The following BTAF1 variants were observed in gnomAD, a reference collection of about 807,000 sequenced individuals.
The protein encoded by BTAF1 is B-TFIID TATA-box binding protein associated factor 1.
In BTAF1, 38 loss-of-function variants were observed where a neutral mutation model predicts 227.1. The ratio of observed to expected loss-of-function variants is 0.17; its 90% confidence interval spans 0.13 to 0.22. BTAF1 has a LOEUF of 0.22. Ranked by LOEUF, BTAF1 falls within the 10% of genes least tolerant of loss-of-function variation. The probability of loss-of-function intolerance (pLI) is 1.00; values close to 1 mark genes in which losing one functional copy is unlikely to be tolerated. For missense variants in BTAF1, 1,598 were observed against 2,204.0 expected (o/e 0.73, Z 5.51); for synonymous variants, 742 against 751.9 (o/e 0.99, Z 0.21).
chr10:91,931,835 C>T (rs1412812714), intron 1 of BTAF1, among the ~76,000 whole-genome samples: 4 of 152,198 alleles, frequency 2.6e-5, no homozygotes, highest in African/African-American at 9.7e-5. Flanking sequence ...ATCTGCTGTC[C>T]TGAAGAGAGG....
rs751235982 is a variant in BTAF1 at position 91,989,338 on chromosome 10, C to T, written c.2612C>T (p.Pro871Leu). ...GCAGTTGTGAGCTTGCAGCAGCTTC[C>T]GGAGAAATTAAATCCTATCATAAAA... ...ACAVVSLQQLPEKLNPIIKPL... is the reference protein window; with the variant it reads ...ACAVVSLQQLLEKLNPIIKPL... Residue 871 changes from proline (P) to leucine (L), a missense_variant, in exon 20 of 38, where the codon CCG (proline) becomes CTG (leucine). Around this residue, in one of 10 missense-constraint regions of BTAF1, gnomAD observed 425 missense variants for 491.2 expected, o/e 0.87. Coordinates refer to ENST00000265990, the MANE Select transcript of BTAF1 (RefSeq NM_003972.3). 101 of 1,613,762 alleles carry T rather than the reference C, an allele frequency of 6.3e-5. 1 individual carries two copies. Among genetic ancestry groups the T allele is most frequent in the Non-Finnish European group, 7.6e-5 (90 of 1,180,006 alleles).
chr10:91,951,635 A>C (rs1490662628), intron 5 of BTAF1, 69 bp downstream of exon 5: 1 of 1,462,276 alleles, frequency 6.8e-7, no homozygotes, highest in Non-Finnish European at 9.1e-7. Flanking sequence ...TTGTTTATGT[A>C]ATTATAGTTT....
intron 5 of BTAF1, 55 bp downstream of exon 5, chr10:91,951,621 C>T: frequency 6.7e-7 from 1 of 1,496,426 alleles, no homozygotes; most frequent in Non-Finnish European, 8.9e-7. Context: ...GGGTTTGCTT[C>T]ATTTTGTTTA....
intron 29 of BTAF1, 31 bp from the exon 30 acceptor site, chr10:92,011,255 G>A: frequency 6.7e-7 from 1 of 1,499,882 alleles, no homozygotes; most frequent in Non-Finnish European, 8.9e-7. Context: ...TACAGCAAAA[G>A]TTGTAAAATT....
At chr10:91,940,147 A>G in intron 3 of BTAF1, 81 bp downstream of exon 3, 1 of 858,388 alleles carries the variant, frequency 1.2e-6, no homozygotes, top group Non-Finnish European at 1.8e-6. Flanking sequence ...TATTTTAATA[A>G]TTTCAATTTT....
At chr10:91,997,829 C>T (rs912043550) in intron 25 of BTAF1, 78 bp downstream of exon 25, 2 of 1,453,254 alleles carry the variant, frequency 1.4e-6, no homozygotes, top group African/African-American at 2.8e-5. Flanking sequence ...CTTTTTAGGG[C>T]CAGGTACAAA....
At chr10:91,995,984 A>G (rs1032326294) in intron 23 of BTAF1, among the ~76,000 whole-genome samples, 2 of 152,168 alleles carry the variant, frequency 1.3e-5, no homozygotes, top group African/African-American at 4.8e-5. Flanking sequence ...CTAAATCTAA[A>G]TTAGTGCTAC....
chr10:91,937,079 C>T (rs1714798661), intron 2 of BTAF1, among the ~76,000 whole-genome samples: 1 of 151,342 alleles, frequency 6.6e-6, no homozygotes, highest in African/African-American at 2.4e-5. Flanking sequence ...ACTGCAACCT[C>T]TGCCTCCTGG....
At chr10:91,977,336 T>C (rs1847768257) in intron 14 of BTAF1, among the ~76,000 whole-genome samples, 1 of 152,202 alleles carries the variant, frequency 6.6e-6, no homozygotes, top group Non-Finnish European at 1.5e-5. Context: ...GTTGGAATCA[T>C]ATAGTATGGA....
intron 14 of BTAF1, among the ~76,000 whole-genome samples, chr10:91,970,526 T>A (rs1163124261): frequency 6.6e-6 from 1 of 152,200 alleles, no homozygotes; most frequent in Non-Finnish European, 1.5e-5. Context: ...CTCCTGTTTT[T>A]AAAATTGTCA....
chr10:92,028,981 G>T lies in BTAF1; in HGVS notation c.*48G>T. The T allele has an allele frequency of 6.6e-7, 1 of 1,508,882 alleles. No homozygotes were observed. Among genetic ancestry groups the T allele is most frequent in the South Asian group, 1.3e-5 (1 of 75,564 alleles). 93.5% of individuals were successfully genotyped at this position (1,508,882 alleles called of 1,614,324 possible). On this transcript the variant is annotated 3_prime_UTR_variant, in exon 38 of 38. Transcript: ENST00000265990. Reference sequence around the variant, plus strand: ...TTGCTGCTAGTTCAGTTACATTTCTGCTGATATTCAGCAAATTTCTAAGTT... The same window carrying T: ...TTGCTGCTAGTTCAGTTACATTTCTTCTGATATTCAGCAAATTTCTAAGTT...
intron 1 of BTAF1, among the ~76,000 whole-genome samples, chr10:91,933,055 T>C (rs1844379374): frequency 6.6e-6 from 1 of 152,158 alleles, no homozygotes; most frequent in Admixed American, 6.5e-5. Context: ...GTGACCATTC[T>C]GGGGATCTGG....
intron 4 of BTAF1, among the ~76,000 whole-genome samples, chr10:91,944,600 A>G (rs1223100494): frequency 3.9e-5 from 6 of 152,238 alleles, no homozygotes; most frequent in African/African-American, 1.4e-4. Context: ...CATTTAAAGT[A>G]TACAATTCAG....
At chr10:91,980,621 C>A in intron 15 of BTAF1, 63 bp downstream of exon 15, 2 of 1,298,512 alleles carry the variant, frequency 1.5e-6, no homozygotes, top group Non-Finnish European at 2.2e-6. Flanking sequence ...TAAAATTTTT[C>A]ATAATTGCTG....
chr10:91,970,003 A>G (rs1847180779), intron 14 of BTAF1, among the ~76,000 whole-genome samples: 2 of 151,188 alleles, frequency 1.3e-5, no homozygotes, highest in Admixed American at 6.6e-5. Flanking sequence ...TAGTCCCTCA[A>G]TGATTATGGA....
chr10:91,973,131 A>G (rs937499362), intron 14 of BTAF1, among the ~76,000 whole-genome samples: 41 of 152,318 alleles, frequency 2.7e-4, no homozygotes, highest in African/African-American at 8.7e-4. Context: ...TTAGTCAGCA[A>G]TCCTTTATGG....
chr10:92,015,217 T>G (rs1463174643), intron 32 of BTAF1, among the ~76,000 whole-genome samples: 1 of 152,240 alleles, frequency 6.6e-6, no homozygotes, highest in East Asian at 1.9e-4. Flanking sequence ...TGTACTTTTC[T>G]AAGAATTAAA....
At position 91,980,478 on chromosome 10, in the gene BTAF1, A is replaced by C; in HGVS notation, c.1675A>C (p.Ile559Leu). The change falls in exon 15 of 38, where the codon ATA becomes CTA. Residue 559 changes from isoleucine to leucine, a missense_variant. Around this residue, in one of 10 missense-constraint regions of BTAF1, gnomAD observed 318 missense variants for 435.0 expected, o/e 0.73. Coordinates refer to ENST00000265990, the MANE Select transcript of BTAF1 (RefSeq NM_003972.3). Reference sequence around the variant, plus strand: ...GAACTCTTCATCTTGGCTTATACCTATACTGCCTGATATGCTCCGACACAT... The same window carrying C: ...GAACTCTTCATCTTGGCTTATACCTCTACTGCCTGATATGCTCCGACACAT... Reference protein sequence around the residue: ...DQNSSSWLIPILPDMLRHIFQ... With the variant: ...DQNSSSWLIPLLPDMLRHIFQ... The C allele has an allele frequency of 6.2e-7, 1 of 1,613,044 alleles. No homozygotes were observed. The highest frequency in any genetic ancestry group is 8.5e-7 in the Non-Finnish European group (1 of 1,179,304).
intron 20 of BTAF1, among the ~76,000 whole-genome samples, chr10:91,991,168 C>T (rs1022495835): frequency 8.0e-5 from 12 of 149,688 alleles, no homozygotes; most frequent in African/African-American, 2.7e-4. Context: ...CTGGCGTGAA[C>T]CTGGGAGGCT....
Sources: gnomAD v4.1 joint callset for allele counts (sites outside exome capture counted in the v4.1 genomes callset) on GRCh38, gnomAD v4.1.1 for gene constraint, gnomAD v4.1.1 regional missense constraint, MANE v1.5 for transcripts, NCBI Gene and HGNC (gene_info 2026-07-23, HGNC 2026-07-21) for gene names.